The following ATRNL1 variants were observed in gnomAD, a reference collection of about 807,000 sequenced individuals.
ATRNL1 encodes the protein attractin-like protein 1.
ATRNL1 carries 95 observed loss-of-function variants against 182.7 expected under a neutral mutation model. The ratio of observed to expected loss-of-function variants is 0.52; its 90% CI spans 0.44 to 0.62. The LOEUF (loss-of-function observed/expected upper bound fraction) is 0.62, where lower values mean the gene tolerates loss of function less well. Ranked by LOEUF, ATRNL1 falls within the 20% of genes least tolerant of loss-of-function variation. The probability of loss-of-function intolerance (pLI) is 0.00; values close to 1 mark genes in which losing one functional copy is unlikely to be tolerated. For missense variants in ATRNL1, 1,471 were observed against 1,679.5 expected (o/e 0.88, Z 2.17); for synonymous variants, 576 against 568.3 (o/e 1.01, Z -0.19).
intron 26 of ATRNL1, among the ~76,000 whole-genome samples, chr10:115,630,598 A>C (rs546698038): frequency 6.6e-6 from 1 of 151,378 alleles, no homozygotes; most frequent in Non-Finnish European, 1.5e-5. Context: ...AAATATGCAA[A>C]CAACCCATTT....
chr10:115,695,409 C>CT lies in ATRNL1; in HGVS notation c.3796-31831dup, dbSNP rs562258031. 1.1e-3 allele frequency among the ~76,000 whole-genome samples: 170 copies of CT among 151,894 alleles called. 1 individual carries two copies. The highest frequency in any genetic ancestry group is 3.7e-3 in the South Asian group (18 of 4,804). ...TATTTATAAATAATATTTCAACATT[C>CT]TTTTTTTTGAAAGATGGAAGGTGAA... On this transcript the variant is annotated intron_variant, in intron 26 of 28. Coordinates refer to ENST00000355044, the MANE Select transcript of ATRNL1 (RefSeq NM_207303.4).
chr10:115,422,031 T>C (rs1592633590), intron 20 of ATRNL1, among the ~76,000 whole-genome samples: 1 of 152,112 alleles, frequency 6.6e-6, no homozygotes, highest in African/African-American at 2.4e-5. Context: ...TTACACCATA[T>C]ACAAAAGTCA....
chr10:115,621,256 T>A (rs1406359445), intron 26 of ATRNL1, among the ~76,000 whole-genome samples: 1 of 31,432 alleles, frequency 3.2e-5, no homozygotes, highest in Non-Finnish European at 8.4e-5. Context: ...GAGCTCTGAA[T>A]ATATATATAT....
intron 26 of ATRNL1, among the ~76,000 whole-genome samples, chr10:115,661,131 T>G (rs1248491487): frequency 2.0e-5 from 3 of 152,136 alleles, no homozygotes; most frequent in Non-Finnish European, 4.4e-5. Flanking sequence ...TACTGGGATC[T>G]TCTATATTTT....
chr10:115,751,913 T>G (rs574147050), intron 27 of ATRNL1, among the ~76,000 whole-genome samples: 1 of 152,160 alleles, frequency 6.6e-6, no homozygotes, highest in South Asian at 2.1e-4. Context: ...TTAGTGGTTA[T>G]TCATAGGACT....
intron 10 of ATRNL1, among the ~76,000 whole-genome samples, chr10:115,245,788 T>C (rs1850612019): frequency 6.6e-6 from 1 of 152,154 alleles, no homozygotes; most frequent in Admixed American, 6.5e-5. Context: ...TGTTTATCCG[T>C]ATTTCTCTAT....
chr10:115,764,483 G>A (rs1818895902), intron 27 of ATRNL1, among the ~76,000 whole-genome samples: 1 of 151,992 alleles, frequency 6.6e-6, no homozygotes, highest in South Asian at 2.1e-4. Context: ...ACCCACTCCT[G>A]CTCCCACCAA....
At chr10:115,584,085 A>G (rs1855321949) in intron 26 of ATRNL1, among the ~76,000 whole-genome samples, 1 of 151,878 alleles carries the variant, frequency 6.6e-6, no homozygotes, top group Non-Finnish European at 1.5e-5. Flanking sequence ...CCAGCCTTGC[A>G]TCCCAGGTAT....
chr10:115,241,635 A>G lies in ATRNL1; in HGVS notation c.1597A>G (p.Met533Val). The G allele has an allele frequency of 1.9e-6, 3 of 1,612,466 alleles. No homozygotes were observed. Among genetic ancestry groups the G allele is most frequent in the Non-Finnish European group, 2.5e-6 (3 of 1,178,886 alleles). ...TTCAGCTGTTCTTATCAATGGAGCTATGCTTATTTTTGGAGGAAATACCCA... is the reference window on the plus strand; with the variant it reads ...TTCAGCTGTTCTTATCAATGGAGCTGTGCTTATTTTTGGAGGAAATACCCA... ...LHSAVLINGA[M>V]LIFGGNTHND... The change falls in exon 10 of 29, where the codon ATG becomes GTG. Residue 533 changes from methionine (M) to valine (V), a missense_variant. This residue lies in a region of ATRNL1 where 1,031 missense variants were observed against 1,156.0 expected (regional missense o/e 0.89). Coordinates refer to ENST00000355044, the MANE Select transcript of ATRNL1 (RefSeq NM_207303.4).
intron 8 of ATRNL1, among the ~76,000 whole-genome samples, 186 bp from the exon 9 acceptor site, chr10:115,215,511 A>T (rs942987806): frequency 1.3e-5 from 2 of 152,166 alleles, no homozygotes; most frequent in Non-Finnish European, 2.9e-5. Flanking sequence ...GTGTTACTCA[A>T]CTTCAAACCC....
chr10:115,251,442 AC>A (rs1318052093), intron 10 of ATRNL1, among the ~76,000 whole-genome samples: 1 of 152,134 alleles, frequency 6.6e-6, no homozygotes, highest in Admixed American at 6.5e-5. Flanking sequence ...TGAGTCTGTG[AC>A]CCAGTGGACC....
intron 26 of ATRNL1, among the ~76,000 whole-genome samples, chr10:115,661,783 T>A (rs114571913): frequency 0.013 from 1,905 of 152,140 alleles, 34 homozygotes; most frequent in African/African-American, 0.042. Flanking sequence ...GCATTTTTTT[T>A]ATTATACTTT....
chr10:115,181,344 T>C (rs1156808365), intron 8 of ATRNL1, among the ~76,000 whole-genome samples: 1 of 151,854 alleles, frequency 6.6e-6, no homozygotes, highest in Non-Finnish European at 1.5e-5. Flanking sequence ...ATTTAACACT[T>C]GATATTCCAT....
At chr10:115,453,465 C>T (rs113797739) in intron 21 of ATRNL1, among the ~76,000 whole-genome samples, 15 of 151,978 alleles carry the variant, frequency 9.9e-5, no homozygotes, top group Non-Finnish European at 7.4e-5. Flanking sequence ...TATTTTCTCT[C>T]ATTTTGTACC....
intron 27 of ATRNL1, among the ~76,000 whole-genome samples, chr10:115,744,434 C>G (rs1948231734): frequency 1.3e-5 from 2 of 152,024 alleles, no homozygotes; most frequent in Admixed American, 1.3e-4. Flanking sequence ...CTTTCTTCTT[C>G]TGCTACTGCT....
chr10:115,159,894 T>C, intron 5 of ATRNL1, 146 bp from the exon 6 acceptor site: 2 of 592,320 alleles, frequency 3.4e-6, no homozygotes, highest in South Asian at 5.3e-5. Context: ...GTATTATTCT[T>C]GTAAGTTATA....
At chr10:115,265,148 TA>T (rs782223814) in intron 10 of ATRNL1, 44 bp from the exon 11 acceptor site, 1 of 1,248,652 alleles carries the variant, frequency 8.0e-7, no homozygotes, top group Non-Finnish European at 1.2e-6. Context: ...TGTCTTAGTT[TA>T]TTCTTTTATT....
In ATRNL1 at chr10:115,476,149, A is replaced by AT. The variant is rs550431023; in HGVS notation, c.3654+6825dup. ...TTTATTTAGTCCAAAATATTTCCTG[A>AT]TTTTTCCTGTGATATTTTCTTTGAT... On this transcript the variant is annotated intron_variant, in intron 24 of 28. Coordinates refer to ENST00000355044, the MANE Select transcript of ATRNL1 (RefSeq NM_207303.4). 1.5e-4 allele frequency among the ~76,000 whole-genome samples: 22 copies of AT among 151,186 alleles called. No individual in the cohort carries two copies. In the East Asian group the frequency reaches 4.1e-3, roughly 28 times the overall value.
intron 19 of ATRNL1, among the ~76,000 whole-genome samples, chr10:115,350,446 A>G (rs958662649): frequency 6.7e-5 from 10 of 148,816 alleles, no homozygotes; most frequent in Non-Finnish European, 1.2e-4. Context: ...GTTTTAATTT[A>G]TATATATCTT....
Sources: gnomAD v4.1 joint callset for allele counts (sites outside exome capture counted in the v4.1 genomes callset) on GRCh38, gnomAD v4.1.1 for gene constraint, gnomAD v4.1.1 regional missense constraint, MANE v1.5 for transcripts, NCBI Gene and HGNC (gene_info 2026-07-23, HGNC 2026-07-21) for gene names.